Variants in ZNF84 observed in about 807,000 individuals in gnomAD.
ZNF84 encodes zinc finger protein HPF2.
In ZNF84, 12 loss-of-function variants were observed where a neutral mutation model predicts 14.8. That is an observed-to-expected ratio of 0.81 (90% CI 0.52 to 1.31). The LOEUF (loss-of-function observed/expected upper bound fraction) is 1.31, where lower values mean the gene tolerates loss of function less well. Ranked by LOEUF, ZNF84 falls within the 50% of genes most tolerant of loss-of-function variation. ZNF84 has a pLI of 0.00. For missense variants in ZNF84, 859 were observed against 878.6 expected, an observed-to-expected ratio of 0.98 and a Z score of 0.28; for synonymous variants, 347 against 291.1, an observed-to-expected ratio of 1.19 and a Z score of -1.96.
At chr12:133,044,396 TCTC>T (rs2137345396) in intron 2 of ZNF84, among the ~76,000 whole-genome samples, 1 of 151,608 alleles carries the variant, frequency 6.6e-6, no homozygotes, top group African/African-American at 2.4e-5. Flanking sequence ...CTCAAACAAT[TCTC>T]CTGCCTCACC....
At chr12:133,048,623 T>A in intron 3 of ZNF84, 130 bp from the exon 4 acceptor site, 3 of 619,468 alleles carry the variant, frequency 4.8e-6, no homozygotes, top group Non-Finnish European at 8.5e-6. Context: ...TTACTGTAAC[T>A]TTGAGAATTA....
In ZNF84 at chr12:133,055,706, A is replaced by G. The variant is rs1231150068; in HGVS notation, c.239-1248A>G. ...GAACAAAGTAAAAATGTAATAATTGAAATAGAAAAAGTTTGATAAATTCAA... is the reference window on the plus strand; with the variant it reads ...GAACAAAGTAAAAATGTAATAATTGGAATAGAAAAAGTTTGATAAATTCAA... On this transcript the variant is annotated intron_variant, in intron 4 of 4. Coordinates refer to ENST00000539354, the MANE Select transcript of ZNF84 (RefSeq NM_001289971.2). Among the ~76,000 whole-genome samples the G allele has an allele frequency of 2.0e-5, 3 of 152,366 alleles. No homozygotes were observed. The South Asian group carries it at 6.2e-4, about 32-fold the overall frequency.
At chr12:133,039,491 G>A (rs1024508280) in intron 1 of ZNF84, among the ~76,000 whole-genome samples, 2 of 152,202 alleles carry the variant, frequency 1.3e-5, no homozygotes, top group African/African-American at 4.8e-5. Flanking sequence ...TACTAAATGT[G>A]CAATCACAGG....
chr12:133,053,557 T>C (rs1954105188), intron 4 of ZNF84, among the ~76,000 whole-genome samples: 1 of 152,040 alleles, frequency 6.6e-6, no homozygotes, highest in South Asian at 2.1e-4. Context: ...CTGAGCAACA[T>C]GGTGAGACCC....
intron 4 of ZNF84, among the ~76,000 whole-genome samples, chr12:133,055,953 TATCTG>T (rs1954148599): frequency 6.6e-6 from 1 of 152,072 alleles, no homozygotes; most frequent in Non-Finnish European, 1.5e-5. Context: ...AAAAAAAAAT[TATCTG>T]GGCATGGTGG....
chr12:133,051,105 T>G (rs1286997954), intron 4 of ZNF84, among the ~76,000 whole-genome samples: 5 of 120,676 alleles, frequency 4.1e-5, no homozygotes, highest in African/African-American at 7.4e-5. Context: ...TTTTGTTTTG[T>G]TTTTTGGTTT....
At chr12:133,037,574 G>A (rs1953803101) in intron 1 of ZNF84, 29 bp downstream of exon 1, 1 of 151,948 alleles carries the variant, frequency 6.6e-6, no homozygotes, top group African/African-American at 2.4e-5. Context: ...TTGCGGGCCC[G>A]GCGCTGGGGG....
chr12:133,044,131 C>G (rs1273239719), intron 2 of ZNF84, among the ~76,000 whole-genome samples: 25 of 151,336 alleles, frequency 1.7e-4, no homozygotes, highest in African/African-American at 5.8e-4. Context: ...ACAAAAACAT[C>G]AGCAATAACT....
At chr12:133,050,898 T>C (rs1298664568) in intron 4 of ZNF84, among the ~76,000 whole-genome samples, 2 of 152,148 alleles carry the variant, frequency 1.3e-5, no homozygotes, top group Non-Finnish European at 2.9e-5. Context: ...GAACATGTAA[T>C]GTTCGATAAA....
At chr12:133,044,855 A>G (rs1953951412) in intron 2 of ZNF84, among the ~76,000 whole-genome samples, 1 of 151,804 alleles carries the variant, frequency 6.6e-6, no homozygotes, top group East Asian at 1.9e-4. Flanking sequence ...TGGAGGTTGC[A>G]GTGAGCCGAG....
chr12:133,057,819 TCA>T lies in ZNF84; in HGVS notation c.1109_1110del (p.Thr370ArgfsTer8). 2 of 1,613,752 alleles carry T rather than the reference TCA, an allele frequency of 1.2e-6. No individual in the cohort carries two copies. The highest frequency in any genetic ancestry group is 1.7e-6 in the Non-Finnish European group (2 of 1,179,936). On this transcript the variant is annotated frameshift_variant, in exon 5 of 5. Transcript: ENST00000539354. LOFTEE classifies it low-confidence loss of function (END_TRUNC). ...CACAACTCGTTACACATCACAGAAC[TCA>T]CACAGGAACAAAACCCTTTGGATGT... Reference protein sequence around the residue: ...KSQLVTHHRTHTGTKPFGCSD... With the variant: ...KSQLVTHHRTXTGTKPFGCSD...
At chr12:133,040,442 A>G (rs976167636) in intron 1 of ZNF84, 2 of 151,974 alleles carry the variant, frequency 1.3e-5, no homozygotes, top group East Asian at 1.9e-4. Context: ...ATGGAGGCAC[A>G]CAAACCTGTA....
rs1954250440 is a variant in ZNF84, at chr12:133,060,853, T to C, written c.*1921T>C. The C allele has an allele frequency of 6.6e-6, 1 of 152,260 alleles. No individual in the cohort carries two copies. Among genetic ancestry groups the C allele is most frequent in the Non-Finnish European group, 1.5e-5 (1 of 68,040 alleles). 9.4% of individuals were successfully genotyped at this position (152,260 alleles called of 1,614,324 possible). On this transcript the variant is annotated 3_prime_UTR_variant, in exon 5 of 5. Coordinates refer to ENST00000539354, the MANE Select transcript of ZNF84 (RefSeq NM_001289971.2). Reference sequence around the variant, plus strand: ...TTTTGTAATGTTCTCTCAATAATGTTGCTTGGCAAAGTTAATATTTTTTGT... The same window carrying C: ...TTTTGTAATGTTCTCTCAATAATGTCGCTTGGCAAAGTTAATATTTTTTGT...
intron 2 of ZNF84, among the ~76,000 whole-genome samples, chr12:133,043,478 T>A (rs1268756056): frequency 2.0e-5 from 3 of 152,204 alleles, no homozygotes; most frequent in Admixed American, 2.0e-4. Flanking sequence ...CAACATTTTT[T>A]AAATGATCAT....
intron 1 of ZNF84, among the ~76,000 whole-genome samples, chr12:133,039,532 TTC>T (rs1953849136): frequency 6.6e-6 from 1 of 152,246 alleles, no homozygotes; most frequent in Non-Finnish European, 1.5e-5. Flanking sequence ...TGTCCCAGTT[TTC>T]TCTCTGTAAA....
rs1953884265 is a variant in ZNF84 at position 133,041,364 on chromosome 12, A to G, written c.-104A>G. The G allele has an allele frequency of 9.1e-7, 1 of 1,097,020 alleles. No individual in the cohort carries two copies. Among genetic ancestry groups the G allele is most frequent in the Non-Finnish European group, 1.4e-6 (1 of 717,808 alleles). The allele number at this position is 1,097,020 out of a possible 1,614,324, so 68.0% of individuals were successfully genotyped here. A position where few individuals can be genotyped will look rare whatever the true frequency, so the allele number is the denominator to read the frequency against. ...AACCAGGAATTCATTCTCAGTGTAG[A>G]AGACCTAGCTGAGACCTCACTCCAC... On this transcript the variant is annotated 5_prime_UTR_variant, in exon 2 of 5. Coordinates refer to ENST00000539354, the MANE Select transcript of ZNF84 (RefSeq NM_001289971.2).
At chr12:133,047,764 T>A (rs2137367027) in intron 2 of ZNF84, 191 bp from the exon 3 acceptor site, 1 of 521,666 alleles carries the variant, frequency 1.9e-6, no homozygotes, top group African/African-American at 1.9e-5. Context: ...AATCTTTAGG[T>A]TAACAGTTGT....
chr12:133,056,087 A>G (rs912093749), intron 4 of ZNF84, among the ~76,000 whole-genome samples: 70 of 152,326 alleles, frequency 4.6e-4, no homozygotes, highest in African/African-American at 1.6e-3. Context: ...ATAAGAAACA[A>G]TACACAAAAT....
In ZNF84 at chr12:133,041,448, A is replaced by G. The variant is rs1953886784; in HGVS notation, c.-20A>G. 6.2e-7 allele frequency: 1 copy of G among 1,613,914 alleles called. No homozygotes were observed. Among genetic ancestry groups the G allele is most frequent in the Non-Finnish European group, 8.5e-7 (1 of 1,179,838 alleles). The stretch of plus-strand genomic sequence containing the variant: ...AGAACCGATCTCAGCCTTGCTGATC[A>G]TCTCGTACAGCAGCAGAAAATGACC... On this transcript the variant is annotated 5_prime_UTR_variant, in exon 2 of 5. Coordinates refer to ENST00000539354, the MANE Select transcript of ZNF84 (RefSeq NM_001289971.2).
Sources: allele counts gnomAD v4.1 joint callset (sites outside exome capture counted in the v4.1 genomes callset), GRCh38; gene constraint gnomAD v4.1.1; transcripts MANE v1.5; gene names NCBI Gene and HGNC (gene_info 2026-07-23, HGNC 2026-07-21).